Variants in IQCM observed in about 807,000 individuals in gnomAD.
The protein encoded by IQCM is IQ domain-containing protein M.
A neutral mutation model predicts 57.6 loss-of-function variants in IQCM; 45 were observed. That is an observed-to-expected ratio of 0.78 (90% CI 0.62 to 1.00). The LOEUF is 1.00. Among genes scored for constraint, IQCM ranks in the 50% least tolerant of loss-of-function variants. The pLI is 0.00. For synonymous variants in IQCM, 148 were observed against 158.9 expected, an observed-to-expected ratio of 0.93 and a Z score of 0.51; for missense variants, 468 against 511.6, an observed-to-expected ratio of 0.91 and a Z score of 0.82.
At chr4:149,668,149 A>C (rs975510363) in intron 7 of IQCM, among the ~76,000 whole-genome samples, 5 of 152,166 alleles carry the variant, frequency 3.3e-5, no homozygotes, top group African/African-American at 1.2e-4. Flanking sequence ...GTTGAAATGA[A>C]GGAAAAAATG....
At chr4:149,381,409 T>C (rs1420190424) in intron 13 of IQCM, among the ~76,000 whole-genome samples, 9 of 152,134 alleles carry the variant, frequency 5.9e-5, no homozygotes, top group African/African-American at 2.2e-4. Context: ...AAAAATCTTA[T>C]AATGGCATCT....
chr4:149,525,258 A>G (rs1746043571), intron 12 of IQCM, among the ~76,000 whole-genome samples: 1 of 151,958 alleles, frequency 6.6e-6, no homozygotes, highest in Non-Finnish European at 1.5e-5. Context: ...ATTACAAAAT[A>G]GAATGTAGCA....
At chr4:149,391,939 G>A (rs557194850) in intron 13 of IQCM, among the ~76,000 whole-genome samples, 3 of 151,998 alleles carry the variant, frequency 2.0e-5, no homozygotes, top group African/African-American at 7.2e-5. Context: ...TGAGAAGTAT[G>A]TGTATTCTGC....
intron 8 of IQCM, among the ~76,000 whole-genome samples, chr4:149,606,526 A>G (rs1561051970): frequency 6.6e-6 from 1 of 152,160 alleles, no homozygotes; most frequent in African/African-American, 2.4e-5. Context: ...AAGCATCAAG[A>G]ACATCCAGGA....
intron 12 of IQCM, among the ~76,000 whole-genome samples, chr4:149,542,618 G>A (rs1747965436): frequency 6.6e-6 from 1 of 151,764 alleles, no homozygotes; most frequent in African/African-American, 2.4e-5. Context: ...TAATCGAAAG[G>A]GATGATATGG....
At chr4:149,520,152 T>G (rs2149828505) in intron 12 of IQCM, among the ~76,000 whole-genome samples, 1 of 152,172 alleles carries the variant, frequency 6.6e-6, no homozygotes, top group Non-Finnish European at 1.5e-5. Context: ...AGCCCAGGCA[T>G]GGCTTGAAGT....
chr4:149,357,726 T>C (rs146115771), intron 13 of IQCM, among the ~76,000 whole-genome samples: 42,839 of 151,996 alleles, frequency 0.28, 6,174 homozygotes, highest in Middle Eastern at 0.33. Context: ...TGTGTCTCTG[T>C]CAGGCTTTGG....
chr4:149,535,040 T>C (rs1377457051), intron 12 of IQCM, among the ~76,000 whole-genome samples: 1 of 152,072 alleles, frequency 6.6e-6, no homozygotes, highest in Non-Finnish European at 1.5e-5. Flanking sequence ...CAATGCATAA[T>C]GTATAATAAA....
At chr4:149,699,695 CAAAAAAAAAAAAAAA>C (rs34250922) in intron 5 of IQCM, among the ~76,000 whole-genome samples, 4 of 25,938 alleles carry the variant, frequency 1.5e-4, no homozygotes, top group East Asian at 1.2e-3. Context: ...GTTTGAGTGG[CAAAAAAAAAAAAAAA>C]AAAAAAAAAA....
At chr4:149,394,659 T>C (rs1732099978) in intron 13 of IQCM, among the ~76,000 whole-genome samples, 1 of 151,906 alleles carries the variant, frequency 6.6e-6, no homozygotes, top group African/African-American at 2.4e-5. Context: ...CAGTAGGAAT[T>C]CTGACAGGTG....
rs1203107826 is a variant in IQCM at position 149,641,213 on chromosome 4, A to G, written c.566-19969T>C. On this transcript the variant is annotated intron_variant, in intron 7 of 13. Coordinates refer to ENST00000636793, the MANE Select transcript of IQCM (RefSeq NM_001363507.2). The stretch of plus-strand genomic sequence containing the variant: ...AACAACAGAAAAATAGAAAAGAATT[A>G]TAACAAAAAGGTAAAACAATTATGT... Among the ~76,000 whole-genome samples the G allele has an allele frequency of 2.6e-5, 4 of 152,238 alleles. No homozygotes were observed. The East Asian group carries it at 7.7e-4, about 29-fold the overall frequency.
At chr4:149,663,870 T>C (rs1760452587) in intron 7 of IQCM, among the ~76,000 whole-genome samples, 1 of 152,158 alleles carries the variant, frequency 6.6e-6, no homozygotes, top group Admixed American at 6.5e-5. Flanking sequence ...TGATCATGTC[T>C]TTCCCTAGAC....
chr4:149,778,317 A>G (rs1288340723), intron 2 of IQCM, among the ~76,000 whole-genome samples: 1 of 152,126 alleles, frequency 6.6e-6, no homozygotes, highest in Non-Finnish European at 1.5e-5. Context: ...CGGAGGTTGC[A>G]GTGAGCGGAG....
intron 5 of IQCM, among the ~76,000 whole-genome samples, chr4:149,732,713 G>A (rs1766574111): frequency 6.6e-6 from 1 of 152,156 alleles, no homozygotes; most frequent in Non-Finnish European, 1.5e-5. Flanking sequence ...AAGCAGTCAT[G>A]TATTCAAGCC....
At chr4:149,392,500 G>A (rs1287566628) in intron 13 of IQCM, among the ~76,000 whole-genome samples, 1 of 151,938 alleles carries the variant, frequency 6.6e-6, no homozygotes, top group Admixed American at 6.6e-5. Context: ...AAATGACATA[G>A]ATACATGTCT....
intron 7 of IQCM, among the ~76,000 whole-genome samples, chr4:149,661,418 G>T (rs1760199726): frequency 6.6e-6 from 1 of 151,998 alleles, no homozygotes; most frequent in Non-Finnish European, 1.5e-5. Flanking sequence ...TTGTAGTTTT[G>T]TTGTTGTTGT....
At chr4:149,580,376 C>T (rs1359405198) in intron 9 of IQCM, among the ~76,000 whole-genome samples, 1 of 151,786 alleles carries the variant, frequency 6.6e-6, no homozygotes, top group African/African-American at 2.4e-5. Context: ...TAGAGTCTAT[C>T]AGTTATCAAC....
At chr4:149,481,707 T>TTTTTTTGTTTTTTGTTTTTTG (rs1553975413) in intron 12 of IQCM, among the ~76,000 whole-genome samples, 16 of 136,446 alleles carry the variant, frequency 1.2e-4, no homozygotes, top group Non-Finnish European at 2.2e-4. Flanking sequence ...TTTTGTTTTT[T>TTTTTTTGTTTTTTGTTTTTTG]TTTTTTTTTT....
chr4:149,592,450 T>C (rs1240678542), intron 8 of IQCM, among the ~76,000 whole-genome samples: 1 of 152,096 alleles, frequency 6.6e-6, no homozygotes, highest in South Asian at 2.1e-4. Context: ...GTGCAGAAGC[T>C]CTTTAGTTTA....
Sources: allele counts gnomAD v4.1 joint callset (sites outside exome capture counted in the v4.1 genomes callset), GRCh38; gene constraint gnomAD v4.1.1; transcripts MANE v1.5; gene names NCBI Gene and HGNC (gene_info 2026-07-23, HGNC 2026-07-21).